Variants in CFAP20DC observed in about 807,000 individuals in gnomAD.
The protein encoded by CFAP20DC is CFAP20 domain containing.
CFAP20DC carries 84 observed loss-of-function variants against 101.7 expected under a neutral mutation model. That is an observed-to-expected ratio of 0.83 (90% confidence interval 0.69 to 0.99). The LOEUF (loss-of-function observed/expected upper bound fraction) is 0.99. Among genes scored for constraint, CFAP20DC ranks in the 50% least tolerant of loss-of-function variants. CFAP20DC has a pLI of 0.00. For synonymous variants in CFAP20DC, 359 were observed against 351.2 expected (o/e 1.02, Z -0.25); for missense variants, 1,007 against 970.3 (o/e 1.04, Z -0.50).
At position 59,046,740 on chromosome 3, in the gene CFAP20DC, T is replaced by C. The variant is rs137978500; in HGVS notation, c.112-418A>G. On this transcript the variant is annotated intron_variant, in intron 2 of 16. Coordinates refer to ENST00000482387, the MANE Select transcript of CFAP20DC (RefSeq NM_001394063.1). ...GAGCAAGCGACCTTAAGAATAAAGA[T>C]TGGGATCAGAAAGGGACATTTTAAT... Among the ~76,000 whole-genome samples, 109 of 152,172 alleles carry C rather than the reference T, an allele frequency of 7.2e-4. 1 individual carries two copies. The East Asian group carries it at 0.018, about 25-fold the overall frequency.
chr3:58,763,144 G>A (rs1274278466), intron 15 of CFAP20DC, among the ~76,000 whole-genome samples: 1 of 152,166 alleles, frequency 6.6e-6, no homozygotes, highest in Non-Finnish European at 1.5e-5. Flanking sequence ...TTCCAACTTG[G>A]TTCCATTCTC....
At chr3:58,778,019 G>GGTGT (rs906255236) in intron 15 of CFAP20DC, among the ~76,000 whole-genome samples, 3 of 152,204 alleles carry the variant, frequency 2.0e-5, no homozygotes, top group Non-Finnish European at 2.9e-5. Flanking sequence ...CTCCAGCAGA[G>GGTGT]GTGTGGCTGT....
At chr3:58,726,622 A>T (rs904324346) in intron 3 of CFAP20DC, 1 of 189,548 alleles carries the variant, frequency 5.3e-6, no homozygotes, top group African/African-American at 2.4e-5. Context: ...ACACCATCAG[A>T]AGAGATGAGA....
chr3:58,949,195 C>T (rs559844975), intron 4 of CFAP20DC, among the ~76,000 whole-genome samples: 156 of 152,186 alleles, frequency 1.0e-3, no homozygotes, highest in African/African-American at 3.5e-3. Context: ...ATTAGTCTTG[C>T]TAGAGGTCTA....
intron 16 of CFAP20DC, among the ~76,000 whole-genome samples, chr3:58,752,601 C>T (rs1330141327): frequency 2.0e-5 from 3 of 152,162 alleles, no homozygotes; most frequent in Non-Finnish European, 4.4e-5. Context: ...TGTTCCCTCA[C>T]AGCAAGGTCT....
chr3:58,752,542 G>A (rs990671630), intron 16 of CFAP20DC, among the ~76,000 whole-genome samples: 1 of 152,070 alleles, frequency 6.6e-6, no homozygotes, highest in Non-Finnish European at 1.5e-5. Flanking sequence ...CAAGGACCAC[G>A]CTCTCAGTTC....
intron 5 of CFAP20DC, among the ~76,000 whole-genome samples, chr3:58,922,789 G>C (rs12330793): frequency 0.014 from 2,136 of 152,084 alleles, 50 homozygotes; most frequent in African/African-American, 0.049. Context: ...GGCGAAGATA[G>C]TTATACTTCT....
chr3:58,820,244 G>T (rs2075530985), intron 14 of CFAP20DC, among the ~76,000 whole-genome samples: 5 of 149,116 alleles, frequency 3.4e-5, no homozygotes, highest in African/African-American at 9.9e-5. Flanking sequence ...AGACAGGGAT[G>T]CCCTCTCTCA....
chr3:58,849,019 G>T lies in CFAP20DC; in HGVS notation c.1971+13C>A. The T allele has an allele frequency of 6.5e-7, 1 of 1,532,708 alleles. No individual in the cohort carries two copies. Among genetic ancestry groups the T allele is most frequent in the Non-Finnish European group, 8.7e-7 (1 of 1,145,410 alleles). 94.9% of individuals were successfully genotyped at this position (1,532,708 alleles called of 1,614,324 possible). On this transcript the variant is annotated intron_variant, in intron 13 of 16. Coordinates refer to ENST00000482387, the MANE Select transcript of CFAP20DC (RefSeq NM_001394063.1). Reference sequence around the variant, plus strand: ...TATTGCCGGCATCTGTAAACCACACGGGAACCACTTACAGATGCTTCGGGG... The same window carrying T: ...TATTGCCGGCATCTGTAAACCACACTGGAACCACTTACAGATGCTTCGGGG...
chr3:58,969,712 T>C (rs1656979817), intron 4 of CFAP20DC, among the ~76,000 whole-genome samples: 1 of 152,210 alleles, frequency 6.6e-6, no homozygotes, highest in Non-Finnish European at 1.5e-5. Flanking sequence ...TTCTTATTCT[T>C]ATCTATTCCA....
At chr3:58,807,331 T>G (rs181319480) in intron 14 of CFAP20DC, among the ~76,000 whole-genome samples, 2,010 of 152,256 alleles carry the variant, frequency 0.013, 25 homozygotes, top group Non-Finnish European at 0.023. Flanking sequence ...AGGGGCAGAC[T>G]GACACTTCAC....
chr3:58,761,690 G>A (rs149519642), intron 15 of CFAP20DC, among the ~76,000 whole-genome samples: 4,079 of 151,996 alleles, frequency 0.027, 185 homozygotes, highest in African/African-American at 0.091. Flanking sequence ...ATAAATTTCC[G>A]TCTACACACT....
At chr3:58,948,915 G>C (rs2089720246) in intron 4 of CFAP20DC, among the ~76,000 whole-genome samples, 1 of 152,124 alleles carries the variant, frequency 6.6e-6, no homozygotes, top group Non-Finnish European at 1.5e-5. Flanking sequence ...AATCCTTCTG[G>C]TCCTGGACTT....
intron 4 of CFAP20DC, among the ~76,000 whole-genome samples, chr3:58,981,503 A>T (rs2092543243): frequency 6.6e-6 from 1 of 152,222 alleles, no homozygotes. Context: ...TGGTACCAAA[A>T]CAGAGATATA....
chr3:58,883,372 C>T (rs1325225284), intron 7 of CFAP20DC, among the ~76,000 whole-genome samples: 2 of 152,164 alleles, frequency 1.3e-5, no homozygotes, highest in African/African-American at 4.8e-5. Flanking sequence ...ATTCAACTTC[C>T]TAAAACAGAA....
At chr3:58,742,613 T>C in intron 16 of CFAP20DC, 41 bp from the exon 17 acceptor site, 1 of 1,488,918 alleles carries the variant, frequency 6.7e-7, no homozygotes, top group Non-Finnish European at 9.2e-7. Context: ...GCTGTTGGCT[T>C]GGCCCGGAAT....
chr3:58,720,136 A>G (rs2067451021), intron 3 of CFAP20DC, among the ~76,000 whole-genome samples: 1 of 152,118 alleles, frequency 6.6e-6, no homozygotes, highest in Non-Finnish European at 1.5e-5. Context: ...AGCAAATTTC[A>G]TCTTGTGCTG....
rs769132341 is a variant in CFAP20DC, at chr3:58,831,903, A to G, written c.1972-14T>C. The G allele has an allele frequency of 1.2e-6, 2 of 1,612,136 alleles. No individual in the cohort carries two copies. Among genetic ancestry groups the G allele is most frequent in the Non-Finnish European group, 8.5e-7 (1 of 1,178,332 alleles). On this transcript the variant is annotated splice_polypyrimidine_tract_variant and intron_variant, in intron 13 of 16. Transcript: ENST00000482387. The stretch of plus-strand genomic sequence containing the variant: ...CCAGTCATATTCCTGACCAAGAGAG[A>G]GGAAAATAACAAAGGGTCATTTGGC...
intron 14 of CFAP20DC, among the ~76,000 whole-genome samples, chr3:58,823,971 T>C (rs1415126113): frequency 6.6e-6 from 1 of 152,188 alleles, no homozygotes; most frequent in Admixed American, 6.5e-5. Flanking sequence ...GAAAAGTTTA[T>C]TTCCTGGGGT....
Sources: gnomAD v4.1 joint callset for allele counts (sites outside exome capture counted in the v4.1 genomes callset) on GRCh38, gnomAD v4.1.1 for gene constraint, MANE v1.5 for transcripts, NCBI Gene and HGNC (gene_info 2026-07-23, HGNC 2026-07-21) for gene names.